Variants in ERBB4 observed in about 807,000 individuals in gnomAD.
ERBB4 encodes erb-b2 receptor tyrosine kinase 4, also known as receptor tyrosine-protein kinase erbB-4.
A neutral mutation model predicts 158.0 loss-of-function variants in ERBB4; 42 were observed. That is an observed-to-expected ratio of 0.27 (90% CI 0.21 to 0.34). The LOEUF is 0.34. Ranked by LOEUF, ERBB4 falls within the 10% of genes least tolerant of loss-of-function variation. The pLI, the probability that ERBB4 is intolerant of heterozygous loss-of-function variation, is 1.00. For missense variants in ERBB4, 1,333 were observed against 1,624.1 expected (o/e 0.82, Z 3.08); for synonymous variants, 583 against 558.7 (o/e 1.04, Z -0.61).
At position 212,172,614 on chromosome 2, in the gene ERBB4, AG is replaced by A. The variant is rs369977380; in HGVS notation, c.83-47712del. 7.0e-4 allele frequency among the ~76,000 whole-genome samples: 107 copies of A among 152,286 alleles called. 1 individual carries two copies. In the East Asian group the frequency reaches 0.019, roughly 27 times the overall value. On this transcript the variant is annotated intron_variant, in intron 1 of 27. Coordinates refer to ENST00000342788, the MANE Select transcript of ERBB4 (RefSeq NM_005235.3). ...TACTATGCAGCCATAAAAAGGAAGG[AG>A]ACCATATTTTTTCCAGGAATATGGA...
chr2:212,301,828 A>G (rs1281854376), intron 1 of ERBB4, among the ~76,000 whole-genome samples: 1 of 151,422 alleles, frequency 6.6e-6, no homozygotes, highest in Non-Finnish European at 1.5e-5. Flanking sequence ...TAGGGTAAAC[A>G]TAGTTTTGAG....
At chr2:212,458,032 T>A (rs987376772) in intron 1 of ERBB4, among the ~76,000 whole-genome samples, 1 of 152,098 alleles carries the variant, frequency 6.6e-6, no homozygotes, top group African/African-American at 2.4e-5. Flanking sequence ...TCTAATTTAA[T>A]AGGAAATAAT....
chr2:211,993,915 T>C (rs1407058314), intron 2 of ERBB4, among the ~76,000 whole-genome samples: 1 of 151,872 alleles, frequency 6.6e-6, no homozygotes, highest in Non-Finnish European at 1.5e-5. Context: ...TACTTTTTTA[T>C]AATTATATGT....
intron 19 of ERBB4, among the ~76,000 whole-genome samples, chr2:211,604,081 T>C (rs2068894220): frequency 6.6e-6 from 1 of 152,222 alleles, no homozygotes; most frequent in African/African-American, 2.4e-5. Context: ...ACACTGCAGA[T>C]TGAGTCTTGT....
At chr2:212,102,277 T>A (rs1456717179) in intron 2 of ERBB4, among the ~76,000 whole-genome samples, 1 of 151,726 alleles carries the variant, frequency 6.6e-6, no homozygotes, top group Non-Finnish European at 1.5e-5. Context: ...TGGTTTCATA[T>A]TTCTGCTGAT....
At chr2:212,171,011 T>G (rs1013796743) in intron 1 of ERBB4, among the ~76,000 whole-genome samples, 1 of 152,050 alleles carries the variant, frequency 6.6e-6, no homozygotes, top group Admixed American at 6.6e-5. Flanking sequence ...CAGCTTGCAC[T>G]GTGCACCTGG....
chr2:211,763,052 G>T (rs1399872092), intron 4 of ERBB4, among the ~76,000 whole-genome samples: 2 of 149,484 alleles, frequency 1.3e-5, no homozygotes, highest in East Asian at 4.2e-4. Flanking sequence ...GTGTGTGTGT[G>T]TGGTGTGTGT....
chr2:212,448,956 T>G (rs2092405634), intron 1 of ERBB4, among the ~76,000 whole-genome samples: 2 of 152,278 alleles, frequency 1.3e-5, no homozygotes, highest in Admixed American at 6.5e-5. Context: ...TATGTTTAGC[T>G]TCATTGCCTC....
intron 1 of ERBB4, among the ~76,000 whole-genome samples, chr2:212,177,076 G>A (rs1018577467): frequency 6.6e-6 from 1 of 151,654 alleles, no homozygotes; most frequent in African/African-American, 2.4e-5. Flanking sequence ...TAAGTATTGT[G>A]ATTAATATGA....
At chr2:211,938,120 T>C (rs1025646637) in intron 3 of ERBB4, among the ~76,000 whole-genome samples, 1 of 152,204 alleles carries the variant, frequency 6.6e-6, no homozygotes, top group Non-Finnish European at 1.5e-5. Context: ...TCAATAATTA[T>C]AAAAATACAC....
At chr2:211,776,512 T>C (rs2075880614) in intron 4 of ERBB4, among the ~76,000 whole-genome samples, 1 of 152,144 alleles carries the variant, frequency 6.6e-6, no homozygotes, top group Non-Finnish European at 1.5e-5. Context: ...CTTGCATGTG[T>C]AATCTTACTA....
chr2:211,911,299 C>A (rs1485495353), intron 3 of ERBB4, among the ~76,000 whole-genome samples: 1 of 152,144 alleles, frequency 6.6e-6, no homozygotes, highest in African/African-American at 2.4e-5. Flanking sequence ...CAGGTCCTTG[C>A]TCTGTCACCT....
At chr2:211,524,185 CAG>C (rs567134942) in intron 20 of ERBB4, among the ~76,000 whole-genome samples, 41 of 152,216 alleles carry the variant, frequency 2.7e-4, no homozygotes, top group South Asian at 8.3e-4. Context: ...TAGCTAGATA[CAG>C]AGTGTCGATT....
At chr2:211,987,171 A>C (rs1306363687) in intron 2 of ERBB4, among the ~76,000 whole-genome samples, 1 of 151,784 alleles carries the variant, frequency 6.6e-6, no homozygotes, top group Admixed American at 6.6e-5. Context: ...ACACACAAAA[A>C]TTAGCCAGGC....
intron 2 of ERBB4, among the ~76,000 whole-genome samples, chr2:212,081,111 A>G (rs2078430105): frequency 6.6e-6 from 1 of 152,180 alleles, no homozygotes; most frequent in Admixed American, 6.6e-5. Context: ...CATGGCTCAC[A>G]GATCAGGAGT....
intron 16 of ERBB4, among the ~76,000 whole-genome samples, chr2:211,638,015 C>G (rs540322744): frequency 6.6e-6 from 1 of 152,008 alleles, no homozygotes; most frequent in South Asian, 2.1e-4. Context: ...ACTTCTCTTT[C>G]GACTATCATT....
chr2:212,171,527 G>C (rs1460322938), intron 1 of ERBB4, among the ~76,000 whole-genome samples: 1 of 152,050 alleles, frequency 6.6e-6, no homozygotes, highest in Non-Finnish European at 1.5e-5. Context: ...GTTTGGCTCT[G>C]GGCCCCAACA....
intron 19 of ERBB4, among the ~76,000 whole-genome samples, chr2:211,613,279 G>T (rs1213901582): frequency 6.6e-6 from 1 of 151,988 alleles, no homozygotes; most frequent in Non-Finnish European, 1.5e-5. Context: ...TAAGAACATG[G>T]TTACAATGAT....
At chr2:211,522,384 T>C (rs1175715733) in intron 20 of ERBB4, among the ~76,000 whole-genome samples, 2 of 152,314 alleles carry the variant, frequency 1.3e-5, no homozygotes, top group Admixed American at 6.5e-5. Context: ...TGTGACTGAA[T>C]TGCTGCAATC....
Sources: gnomAD v4.1 joint callset for allele counts (sites outside exome capture counted in the v4.1 genomes callset) on GRCh38, gnomAD v4.1.1 for gene constraint, MANE v1.5 for transcripts, NCBI Gene and HGNC (gene_info 2026-07-23, HGNC 2026-07-21) for gene names.